The following STARD9 variants were observed in gnomAD, a reference collection of about 807,000 sequenced individuals.
The protein encoded by STARD9 is StAR related lipid transfer domain containing 9, also known as stAR-related lipid transfer protein 9.
Under a neutral mutation model 399.8 loss-of-function variants are expected in STARD9, and 346 were observed. The observed-to-expected ratio is 0.87, with a 90% CI of 0.79 to 0.95. STARD9 has a LOEUF of 0.95. Ranked by LOEUF, STARD9 falls within the 40% of genes least tolerant of loss-of-function variation. The probability of loss-of-function intolerance (pLI) is 0.00; values close to 1 mark genes in which losing one functional copy is unlikely to be tolerated. For missense variants in STARD9, 5,832 were observed against 5,667.5 expected (o/e 1.03, Z -0.93); for synonymous variants, 2,203 against 2,143.5 (o/e 1.03, Z -0.77).
chr15:42,684,653 CAA>C lies in STARD9; in HGVS notation c.3076_3077del (p.Lys1026AspfsTer25), dbSNP rs1232509802. ...AGACTGCTGGGCACGGAAAGGCAGTCAAGACTTTTTGGACAGAATACAAACCA... is the reference window on the plus strand; with the variant it reads ...AGACTGCTGGGCACGGAAAGGCAGTCGACTTTTTGGACAGAATACAAACCA... ...RQTAGHGKAV[K>X]TFWTEYKPPS... On this transcript the variant is annotated frameshift_variant, in exon 23 of 33. Transcript: ENST00000290607. LOFTEE classifies it high-confidence loss of function. 6.5e-7 allele frequency: 1 copy of C among 1,537,138 alleles called. No homozygotes were observed. Among genetic ancestry groups the C allele is most frequent in the Admixed American group, 2.0e-5 (1 of 50,994 alleles).
intron 3 of STARD9, among the ~76,000 whole-genome samples, chr15:42,627,927 T>G (rs2059257685): frequency 6.6e-6 from 1 of 152,256 alleles, no homozygotes; most frequent in South Asian, 2.1e-4. Context: ...GATTTCATTT[T>G]CTTTGGATAA....
chr15:42,591,972 G>T (rs1212640424), intron 3 of STARD9, among the ~76,000 whole-genome samples: 2 of 152,236 alleles, frequency 1.3e-5, no homozygotes, highest in South Asian at 2.1e-4. Context: ...CCAGTAAGTG[G>T]TGGAGCAAGA....
intron 13 of STARD9, among the ~76,000 whole-genome samples, 184 bp downstream of exon 13, chr15:42,664,101 A>T (rs1462323747): frequency 6.6e-6 from 1 of 152,104 alleles, no homozygotes; most frequent in Non-Finnish European, 1.5e-5. Context: ...TACTGCCTTC[A>T]TTCAGTAACC....
At chr15:42,696,005 G>A in intron 26 of STARD9, 125 bp downstream of exon 26, 1 of 1,002,526 alleles carries the variant, frequency 1.0e-6, no homozygotes, top group Non-Finnish European at 1.4e-6. Flanking sequence ...CTGCTGACAT[G>A]AGCCCTTCTT....
intron 26 of STARD9, among the ~76,000 whole-genome samples, chr15:42,708,650 GTATT>G (rs1277235952): frequency 6.6e-6 from 1 of 151,476 alleles, no homozygotes; most frequent in Non-Finnish European, 1.5e-5. Flanking sequence ...TTTTTGGAAT[GTATT>G]TATCTGCTGT....
At position 42,720,793 on chromosome 15, in the gene STARD9, T is replaced by C. The variant is rs937094430; in HGVS notation, c.*1219T>C. On this transcript the variant is annotated 3_prime_UTR_variant, in exon 33 of 33. Transcript: ENST00000290607. ...AGTGTTTGCAGGGCATTTTTCCCTC[T>C]TACCTCAGATTAAGTTATTTATATA... 2 of 152,206 alleles carry C rather than the reference T, an allele frequency of 1.3e-5. No individual in the cohort carries two copies. The highest frequency in any genetic ancestry group is 1.9e-4 in the East Asian group (1 of 5,194). 9.4% of individuals were successfully genotyped at this position (152,206 alleles called of 1,614,324 possible).
chr15:42,677,812 C>T (rs182218853), intron 20 of STARD9, among the ~76,000 whole-genome samples: 2 of 152,336 alleles, frequency 1.3e-5, no homozygotes, highest in Admixed American at 1.3e-4. Context: ...ACACACCCCA[C>T]AGCCCCTATT....
At chr15:42,704,458 A>G (rs1028364264) in intron 26 of STARD9, among the ~76,000 whole-genome samples, 7 of 152,178 alleles carry the variant, frequency 4.6e-5, no homozygotes, top group Admixed American at 1.3e-4. Flanking sequence ...AGAAATTGAT[A>G]TATATTCCAA....
Position 42,661,180 on chromosome 15 carries a change from C to T in STARD9, c.725C>T (p.Pro242Leu), listed in dbSNP as rs754778418. 6 of 1,536,912 alleles carry T rather than the reference C, an allele frequency of 3.9e-6. No individual in the cohort carries two copies. Among genetic ancestry groups the T allele is most frequent in the Non-Finnish European group, 5.2e-6 (6 of 1,146,684 alleles). ...YTQAILENNL[P>L]SEMASKINLV... ...TAGGCAATCCTGGAGAACAACCTCCCTTCTGAAATGGCTAGCAAGATCAAC... is the reference window on the plus strand; with the variant it reads ...TAGGCAATCCTGGAGAACAACCTCCTTTCTGAAATGGCTAGCAAGATCAAC... The change falls in exon 10 of 33, where the codon CCT (proline) becomes CTT (leucine). Residue 242 changes from proline (P) to leucine (L), a missense_variant. Pro to Leu is a moderately conservative substitution (Grantham distance 98, BLOSUM62 -3). Around this residue, in one of 2 missense-constraint regions of STARD9, gnomAD observed 5,828 missense variants for 5,651.1 expected, o/e 1.03. Transcript: ENST00000290607.
chr15:42,718,047 G>A lies in STARD9; in HGVS notation c.13630G>A (p.Gly4544Arg), dbSNP rs544006711. 6.5e-7 allele frequency: 1 copy of A among 1,537,228 alleles called. No homozygotes were observed. The highest frequency in any genetic ancestry group is 8.7e-7 in the Non-Finnish European group (1 of 1,146,910). Residue 4544 changes from glycine (G) to arginine (R), a missense_variant, in exon 30 of 33, where the codon GGG becomes AGG. Gly to Arg is a moderately radical substitution (Grantham distance 125, BLOSUM62 -2). Around this residue, in one of 2 missense-constraint regions of STARD9, gnomAD observed 5,828 missense variants for 5,651.1 expected, o/e 1.03. Coordinates refer to ENST00000290607, the MANE Select transcript of STARD9 (RefSeq NM_020759.3). Reference protein sequence around the residue: ...VFSPTRHGFLGAGVVSQPLSR... With the variant: ...VFSPTRHGFLRAGVVSQPLSR... ...TTCTCCCACTCGGCATGGCTTCCTG[G>A]GGGCAGGTGTGGTGTCCCAGCCGCT...
At chr15:42,593,859 G>A (rs542043962) in intron 3 of STARD9, among the ~76,000 whole-genome samples, 39 of 151,394 alleles carry the variant, frequency 2.6e-4, no homozygotes, top group African/African-American at 9.0e-4. Flanking sequence ...TAGTAGAGAC[G>A]GGGTTTCTCC....
rs1434632143 is a variant in STARD9 at position 42,718,482 on chromosome 15, G to A, written c.13810G>A (p.Asp4604Asn). 2.0e-6 allele frequency: 3 copies of A among 1,537,262 alleles called. No individual in the cohort carries two copies. The South Asian group carries it at 3.6e-5, about 18-fold the overall frequency. ...CCTGTGCGCACTGAAGCAGCCACGG[G>A]ATTTCTGTTGTGTCTGCGTGGAAGC... ...TTLCALKQPR[D>N]FCCVCVEAKE... The change falls in exon 31 of 33, where the codon GAT becomes AAT. Residue 4604 changes from aspartate to asparagine, a missense_variant. Transcript: ENST00000290607.
intron 3 of STARD9, 43 bp from the exon 4 acceptor site, chr15:42,634,810 GAGA>G (rs1466587665): frequency 2.2e-6 from 2 of 908,924 alleles, no homozygotes; most frequent in African/African-American, 1.7e-5. Flanking sequence ...AATCTGCTAT[GAGA>G]AGAAGGACCA....
intron 20 of STARD9, 63 bp downstream of exon 20, chr15:42,676,038 C>A: frequency 2.0e-5 from 9 of 441,806 alleles, no homozygotes; most frequent in Admixed American, 6.1e-5. Flanking sequence ...TCCATGACAG[C>A]ATGGATCAGG....
intron 26 of STARD9, among the ~76,000 whole-genome samples, chr15:42,710,750 C>T (rs1233931763): frequency 6.6e-6 from 1 of 152,186 alleles, no homozygotes; most frequent in Non-Finnish European, 1.5e-5. Flanking sequence ...GTTAGCAGCA[C>T]CATACTCCCT....
chr15:42,677,940 C>T (rs894864836), intron 20 of STARD9, among the ~76,000 whole-genome samples: 5 of 152,204 alleles, frequency 3.3e-5, no homozygotes, highest in Non-Finnish European at 1.5e-5. Flanking sequence ...TTAAAGTCTT[C>T]TATGGCTCTC....
chr15:42,629,662 G>C (rs1164490728), intron 3 of STARD9, among the ~76,000 whole-genome samples: 1 of 152,132 alleles, frequency 6.6e-6, no homozygotes, highest in Non-Finnish European at 1.5e-5. Flanking sequence ...TAACCGTGGT[G>C]AAAATGGGCA....
chr15:42,700,541 A>AT (rs1222245280), intron 26 of STARD9, among the ~76,000 whole-genome samples: 1 of 151,910 alleles, frequency 6.6e-6, no homozygotes, highest in Non-Finnish European at 1.5e-5. Context: ...GATGTTGAGC[A>AT]TTTTTTTCAT....
chr15:42,645,585 A>G (rs1310568839), intron 7 of STARD9, among the ~76,000 whole-genome samples: 3 of 144,750 alleles, frequency 2.1e-5, no homozygotes, highest in African/African-American at 7.7e-5. Context: ...TTTTTGAGAG[A>G]GGGAGGGTCT....
Sources: allele counts gnomAD v4.1 joint callset (sites outside exome capture counted in the v4.1 genomes callset), GRCh38; gene constraint gnomAD v4.1.1; regional missense constraint gnomAD v4.1.1; transcripts MANE v1.5; gene names NCBI Gene and HGNC (gene_info 2026-07-23, HGNC 2026-07-21).